Variants in MKNK1 observed in about 807,000 individuals in gnomAD.
MKNK1 encodes the protein MAP kinase-interacting serine/threonine-protein kinase 1.
In MKNK1, 30 loss-of-function variants were observed where a neutral mutation model predicts 49.3. The observed-to-expected ratio is 0.61, with a 90% confidence interval of 0.46 to 0.83. The LOEUF is 0.83. MKNK1 is among the 40% of genes least tolerant of loss of function. The pLI, the probability that MKNK1 is intolerant of heterozygous loss-of-function variation, is 0.00. For missense variants in MKNK1, 423 were observed against 524.7 expected, an observed-to-expected ratio of 0.81 and a Z score of 1.89; for synonymous variants, 176 against 201.7, an observed-to-expected ratio of 0.87 and a Z score of 1.08.
chr1:46,594,105 AAT>A lies in MKNK1; in HGVS notation c.-3+6_-3+7del. 6.3e-7 allele frequency: 1 copy of A among 1,595,282 alleles called. No homozygotes were observed. The highest frequency in any genetic ancestry group is 1.3e-5 in the African/African-American group (1 of 74,514). ...AAAAGGATAACTAAAATGTACACCCAATCTTACCTATAGGTTTTTCCAACTTT... is the reference window on the plus strand; with the variant it reads ...AAAAGGATAACTAAAATGTACACCCACTTACCTATAGGTTTTTCCAACTTT... On this transcript the variant is annotated splice_donor_region_variant and intron_variant, in intron 2 of 12. Coordinates refer to ENST00000371945, the MANE Select transcript of MKNK1 (RefSeq NM_001135553.4).
chr1:46,561,584 G>A lies in MKNK1; in HGVS notation c.863C>T (p.Ala288Val), dbSNP rs1231930464. 2 of 1,614,080 alleles carry A rather than the reference G, an allele frequency of 1.2e-6. No individual in the cohort carries two copies. Among genetic ancestry groups the A allele is most frequent in the African/African-American group, 1.3e-5 (1 of 74,930 alleles). The change falls in exon 11 of 13, where the codon GCA becomes GTA. Residue 288 changes from alanine to valine, a missense_variant. Transcript: ENST00000371945. Reference sequence around the variant, plus strand: ...GTCTTTGGCTTCACTGGAGATGTGTGCCCAGTCCTTGTCAGGAAACTCATA... The same window carrying A: ...GTCTTTGGCTTCACTGGAGATGTGTACCCAGTCCTTGTCAGGAAACTCATA... ...GKYEFPDKDWAHISSEAKDLI... is the reference protein window; with the variant it reads ...GKYEFPDKDWVHISSEAKDLI...
intron 1 of MKNK1, among the ~76,000 whole-genome samples, chr1:46,600,677 G>T (rs1421144327): frequency 1.3e-5 from 2 of 152,248 alleles, no homozygotes; most frequent in East Asian, 3.8e-4. Context: ...TGGGTAGGAG[G>T]TGACTGCCAT....
chr1:46,558,311 A>C lies in MKNK1; in HGVS notation c.*264T>G. ...CGGGTGAGCAGGTGGAGCCCAGTGA[A>C]GAGATGTTCCTGCTGCAGGCAATTA... On this transcript the variant is annotated 3_prime_UTR_variant, in exon 13 of 13. Transcript: ENST00000371945. 8 of 468,960 alleles carry C rather than the reference A, an allele frequency of 1.7e-5. No homozygotes were observed. Among genetic ancestry groups the C allele is most frequent in the East Asian group, 3.6e-5 (1 of 27,594 alleles). 29.0% of individuals were successfully genotyped at this position (468,960 alleles called of 1,614,324 possible).
In MKNK1 at chr1:46,572,093, C is replaced by T. The variant is rs1435768133; in HGVS notation, c.427G>A (p.Ala143Thr). 1 of 1,614,050 alleles carries T rather than the reference C, an allele frequency of 6.2e-7. No individual in the cohort carries two copies. The highest frequency in any genetic ancestry group is 8.5e-7 in the Non-Finnish European group (1 of 1,180,004). The change falls in exon 7 of 13, where the codon GCT (alanine) becomes ACT (threonine). Residue 143 changes from alanine to threonine, a missense_variant. By Grantham distance (58) the Ala-to-Thr change is moderately conservative (BLOSUM62 0). Coordinates refer to ENST00000371945, the MANE Select transcript of MKNK1 (RefSeq NM_001135553.4). ...REASRVVRDV[A>T]AALDFLHTKG... is the part of the protein sequence containing the mutation. Reference sequence around the variant, plus strand: ...GTATGCAGGAAGTCAAGGGCAGCAGCAACGTCCCGCACCACTCGGCTGGCT... The same window carrying T: ...GTATGCAGGAAGTCAAGGGCAGCAGTAACGTCCCGCACCACTCGGCTGGCT...
At chr1:46,585,659 A>C (rs1473860545) in intron 2 of MKNK1, 1 of 370,734 alleles carries the variant, frequency 2.7e-6, no homozygotes, top group African/African-American at 2.1e-5. Flanking sequence ...AGACAGGCAG[A>C]GCAGAGGAGC....
chr1:46,601,601 C>T (rs4660357), intron 1 of MKNK1, among the ~76,000 whole-genome samples: 78,251 of 152,150 alleles, frequency 0.51, 20,923 homozygotes, highest in East Asian at 0.94. Flanking sequence ...TGAAGAATGC[C>T]TGCTTGTGCA....
chr1:46,573,419 CAG>C (rs1241785800), intron 6 of MKNK1, among the ~76,000 whole-genome samples: 1 of 152,222 alleles, frequency 6.6e-6, no homozygotes, highest in African/African-American at 2.4e-5. Context: ...GGGGCAGACA[CAG>C]GCAGGAACAT....
intron 1 of MKNK1, among the ~76,000 whole-genome samples, chr1:46,601,840 AAG>A (rs1391108415): frequency 3.3e-5 from 5 of 152,214 alleles, no homozygotes; most frequent in African/African-American, 1.2e-4. Context: ...GGAGGAAGGA[AAG>A]AGACATGGTC....
At position 46,589,083 on chromosome 1, in the gene MKNK1, T is replaced by A. The variant is rs570398005; in HGVS notation, c.-3+5030A>T. ...TACTCTTCAATAATGCTATATTTATTGGGCACCTACTGATCGTCTGGTGCT... is the reference window on the plus strand; with the variant it reads ...TACTCTTCAATAATGCTATATTTATAGGGCACCTACTGATCGTCTGGTGCT... On this transcript the variant is annotated intron_variant, in intron 2 of 12. Transcript: ENST00000371945. The surrounding 1 kb of genome is among the most constrained non-coding windows in gnomAD (Gnocchi z 4.3). 2.6e-5 allele frequency among the ~76,000 whole-genome samples: 4 copies of A among 152,362 alleles called. No homozygotes were observed. Among genetic ancestry groups the A allele is most frequent in the African/African-American group, 2.4e-5 (1 of 41,582 alleles).
Position 46,560,356 on chromosome 1 carries a change from G to A in MKNK1, c.970-79C>T, listed in dbSNP as rs536190881. The A allele has an allele frequency of 4.1e-6, 6 of 1,480,972 alleles. No individual in the cohort carries two copies. The Admixed American group carries it at 8.4e-5, about 21-fold the overall frequency. 91.7% of individuals were successfully genotyped at this position (1,480,972 alleles called of 1,614,324 possible). On this transcript the variant is annotated intron_variant, in intron 11 of 12. Coordinates refer to ENST00000371945, the MANE Select transcript of MKNK1 (RefSeq NM_001135553.4). ...ACTGCCCCACCCAAGCCAGCAGTGG[G>A]TAGGTTACTATAGGCTGCTGGCGCA... is the stretch of plus-strand genomic sequence containing the variant.
At chr1:46,576,554 C>G (rs747862650) in intron 5 of MKNK1, 21 bp downstream of exon 5, 6 of 1,595,738 alleles carry the variant, frequency 3.8e-6, no homozygotes, top group Admixed American at 3.3e-5. Flanking sequence ...AGAGAAGCAG[C>G]GAGAATCACA....
At chr1:46,573,454 A>C (rs1670497801) in intron 6 of MKNK1, among the ~76,000 whole-genome samples, 1 of 152,202 alleles carries the variant, frequency 6.6e-6, no homozygotes, top group South Asian at 2.1e-4. Context: ...CATGTGGTTT[A>C]TGTTTACTAC....
At chr1:46,600,827 G>A (rs1190234405) in intron 1 of MKNK1, among the ~76,000 whole-genome samples, 1 of 152,116 alleles carries the variant, frequency 6.6e-6, no homozygotes, top group Non-Finnish European at 1.5e-5. Flanking sequence ...ATAAATGTTC[G>A]ATGTTGTATT....
intron 12 of MKNK1, 98 bp from the exon 13 acceptor site, chr1:46,558,898 TC>T: frequency 3.0e-6 from 3 of 1,007,750 alleles, no homozygotes; most frequent in Non-Finnish European, 4.4e-6. Flanking sequence ...GGCTCTACGC[TC>T]CCACCAGATT....
At chr1:46,597,853 G>A (rs552180248) in intron 1 of MKNK1, among the ~76,000 whole-genome samples, 2 of 152,264 alleles carry the variant, frequency 1.3e-5, no homozygotes, top group Admixed American at 6.5e-5. Flanking sequence ...TTAGAAGACC[G>A]AGTACAGTCT....
chr1:46,599,650 A>C (rs1466817109), intron 1 of MKNK1, among the ~76,000 whole-genome samples: 1 of 152,206 alleles, frequency 6.6e-6, no homozygotes, highest in East Asian at 1.9e-4. Flanking sequence ...ACCGAGCGCC[A>C]GTCAGGGCAT....
At chr1:46,583,421 G>T in intron 2 of MKNK1, 92 bp from the exon 3 acceptor site, 1 of 920,306 alleles carries the variant, frequency 1.1e-6, no homozygotes, top group Non-Finnish European at 1.7e-6. Context: ...AGTGGGGGAG[G>T]ACCCAGGAGG....
In MKNK1 at chr1:46,580,604, A is replaced by C; in HGVS notation, c.124T>G (p.Leu42Val). Residue 42 changes from leucine to valine, a missense_variant, in exon 4 of 13, where the codon TTG (leucine) becomes GTG (valine). By Grantham distance (32) the Leu-to-Val change is conservative. Coordinates refer to ENST00000371945, the MANE Select transcript of MKNK1 (RefSeq NM_001135553.4). ...TTGGCATAGGCTCCCTCTCCAAGCAATTCAGAGGTCAGCTTGTACATATCT... is the reference window on the plus strand; with the variant it reads ...TTGGCATAGGCTCCCTCTCCAAGCACTTCAGAGGTCAGCTTGTACATATCT... ...FEDMYKLTSE[L>V]LGEGAYAKVQ... The C allele has an allele frequency of 6.2e-7, 1 of 1,613,816 alleles. No individual in the cohort carries two copies. The highest frequency in any genetic ancestry group is 8.5e-7 in the Non-Finnish European group (1 of 1,179,706).
chr1:46,579,129 T>C (rs1671396943), intron 4 of MKNK1, among the ~76,000 whole-genome samples: 1 of 152,180 alleles, frequency 6.6e-6, no homozygotes, highest in South Asian at 2.1e-4. Flanking sequence ...CCAAAAGAAA[T>C]TAAGACAGTG....
Sources: allele counts gnomAD v4.1 joint callset (sites outside exome capture counted in the v4.1 genomes callset), GRCh38; gene constraint gnomAD v4.1.1; non-coding constraint Gnocchi (gnomAD v3.1); transcripts MANE v1.5; gene names NCBI Gene and HGNC (gene_info 2026-07-23, HGNC 2026-07-21).